Variants in IL5RA observed in about 807,000 individuals in gnomAD.
IL5RA encodes the protein interleukin-5 receptor subunit alpha.
IL5RA carries 49 observed loss-of-function variants against 50.0 expected under a neutral mutation model. The observed-to-expected ratio is 0.98, with a 90% CI of 0.78 to 1.24. The LOEUF is 1.24. Ranked by LOEUF, IL5RA falls within the 50% of genes most tolerant of loss-of-function variation. The probability of loss-of-function intolerance (pLI) is 0.00; values close to 1 mark genes in which losing one functional copy is unlikely to be tolerated. For missense variants in IL5RA, 600 were observed against 500.4 expected (o/e 1.20, Z -1.90); for synonymous variants, 202 against 174.0 (o/e 1.16, Z -1.26).
rs902365466 is a variant in IL5RA at position 3,097,963 on chromosome 3, T to A, written c.616A>T (p.Lys206Ter). The A allele has an allele frequency of 1.2e-6, 2 of 1,614,220 alleles. No homozygotes were observed. Among genetic ancestry groups the A allele is most frequent in the Non-Finnish European group, 1.7e-6 (2 of 1,180,036 alleles). The change falls in exon 7 of 12, where the codon AAA becomes TAA. Residue 206 changes from lysine to a stop codon, truncating the protein, a stop_gained. Transcript: ENST00000446632. LOFTEE classifies it high-confidence loss of function. ...AGCACCGCAAGCCAGTCACGCCCTTTGCTGAGGATAAAAGTCCTGGGAAAC... is the reference window on the plus strand; with the variant it reads ...AGCACCGCAAGCCAGTCACGCCCTTAGCTGAGGATAAAAGTCCTGGGAAAC... Reference protein sequence around the residue: ...CWFPRTFILSKGRDWLAVLVN... With the variant: ...CWFPRTFILS
chr3:3,068,614 A>AAAAAAAAAAAAG lies in IL5RA; in HGVS notation c.*1610_*1611insCTTTTTTTTTTT, dbSNP rs1559856794. ...AAAAAAAAAAAAAAAAAAAACAAAAACAGGTTTGAGATTATGAATCATTTG... is the reference window on the plus strand; with the variant it reads ...AAAAAAAAAAAAAAAAAAAACAAAAAAAAAAAAAAAAGCAGGTTTGAGATTATGAATCATTTG... On this transcript the variant is annotated 3_prime_UTR_variant, in exon 12 of 12. Transcript: ENST00000446632. The AAAAAAAAAAAAG allele has an allele frequency of 1.3e-4, 17 of 135,678 alleles. No individual in the cohort carries two copies. Among genetic ancestry groups the AAAAAAAAAAAAG allele is most frequent in the African/African-American group, 4.6e-4 (17 of 37,106 alleles). 8.4% of individuals were successfully genotyped at this position (135,678 alleles called of 1,614,324 possible). A position where few individuals can be genotyped will look rare whatever the true frequency, so the allele number is the denominator to read the frequency against.
intron 9 of IL5RA, among the ~76,000 whole-genome samples, chr3:3,085,087 G>GC (rs958474901): frequency 1.6e-4 from 25 of 152,180 alleles, no homozygotes; most frequent in African/African-American, 4.8e-4. Flanking sequence ...GAGGCAGTCC[G>GC]CCCCCCCTGG....
At chr3:3,095,591 A>C in intron 7 of IL5RA, 147 bp from the exon 8 acceptor site, 2 of 667,896 alleles carry the variant, frequency 3.0e-6, no homozygotes, top group East Asian at 2.7e-5. Flanking sequence ...ACTGATCTCC[A>C]AGCCACAGGA....
At chr3:3,096,315 G>T (rs1004207444) in intron 7 of IL5RA, among the ~76,000 whole-genome samples, 4 of 147,912 alleles carry the variant, frequency 2.7e-5, no homozygotes, top group African/African-American at 1.0e-4. Context: ...AAGAAGAGTG[G>T]ATTGGGCTAA....
chr3:3,107,621 C>CTA (rs1703989422), intron 2 of IL5RA, among the ~76,000 whole-genome samples: 1 of 143,772 alleles, frequency 7.0e-6, no homozygotes, highest in Non-Finnish European at 1.6e-5. Context: ...AATGAAGCAA[C>CTA]TATAGGTTGT....
At chr3:3,099,569 C>T (rs974920707) in intron 5 of IL5RA, among the ~76,000 whole-genome samples, 1 of 151,938 alleles carries the variant, frequency 6.6e-6, no homozygotes, top group African/African-American at 2.4e-5. Context: ...GTCGAGGCTG[C>T]AATGAACCAA....
intron 8 of IL5RA, among the ~76,000 whole-genome samples, chr3:3,093,892 A>AT (rs1433000947): frequency 1.3e-5 from 2 of 152,126 alleles, no homozygotes; most frequent in East Asian, 1.9e-4. Context: ...TTGGAATCCT[A>AT]TTTTTTTTCC....
intron 5 of IL5RA, among the ~76,000 whole-genome samples, chr3:3,099,094 T>A (rs951205882): frequency 2.6e-5 from 4 of 152,210 alleles, no homozygotes; most frequent in Non-Finnish European, 4.4e-5. Flanking sequence ...ATTACATAGG[T>A]TGCTGCTCAG....
chr3:3,098,026 A>G lies in IL5RA; in HGVS notation c.553T>C (p.Tyr185His). Residue 185 changes from tyrosine to histidine, a missense_variant, in exon 7 of 12, where the codon TAC becomes CAC. By Grantham distance (83) the Tyr-to-His change is moderately conservative. Coordinates refer to ENST00000446632, the MANE Select transcript of IL5RA (RefSeq NM_175726.4). Reference protein sequence around the residue: ...YGSWTEECQEYSKDTLGRNIA... With the variant: ...YGSWTEECQEHSKDTLGRNIA... Reference sequence around the variant, plus strand: ...TTTCTCCCCAGTGTGTCTTTGCTGTATTCTTGGCATTCTTCAGTCCAAGAG... The same window carrying G: ...TTTCTCCCCAGTGTGTCTTTGCTGTGTTCTTGGCATTCTTCAGTCCAAGAG... The G allele has an allele frequency of 1.2e-6, 2 of 1,614,182 alleles. No individual in the cohort carries two copies. The highest frequency in any genetic ancestry group is 1.1e-5 in the South Asian group (1 of 91,080).
chr3:3,093,861 C>G (rs1007757831), intron 8 of IL5RA, among the ~76,000 whole-genome samples: 12 of 152,222 alleles, frequency 7.9e-5, no homozygotes, highest in African/African-American at 2.9e-4. Context: ...TTGGCTTTGT[C>G]TACTCTCTGT....
At position 3,092,384 on chromosome 3, in the gene IL5RA, T is replaced by C; in HGVS notation, c.856-22A>G. 6.2e-7 allele frequency: 1 copy of C among 1,608,386 alleles called. No individual in the cohort carries two copies. The highest frequency in any genetic ancestry group is 8.5e-7 in the Non-Finnish European group (1 of 1,177,582). On this transcript the variant is annotated intron_variant, in intron 8 of 11. Coordinates refer to ENST00000446632, the MANE Select transcript of IL5RA (RefSeq NM_175726.4). This position sits in a 1 kb window ranked among gnomAD's most constrained non-coding sequence, Gnocchi z 4.2. ...CTATCTAAGTGGGGAAAGATAGCAT[T>C]AGAAGAATCTCTAGACACCTAATTT...
At chr3:3,104,021 C>T (rs187485738) in intron 3 of IL5RA, among the ~76,000 whole-genome samples, 1 of 152,172 alleles carries the variant, frequency 6.6e-6, no homozygotes, top group Middle Eastern at 3.2e-3. Context: ...CAACTTGTGG[C>T]TATTGAAATT....
intron 2 of IL5RA, among the ~76,000 whole-genome samples, chr3:3,106,763 A>G (rs1397283222): frequency 6.6e-6 from 1 of 152,190 alleles, no homozygotes; most frequent in East Asian, 1.9e-4. Flanking sequence ...AAATGTCAGC[A>G]TTTCCTGAAA....
Position 3,102,861 on chromosome 3 carries a change from T to C in IL5RA, c.83-41A>G, listed in dbSNP as rs375029178. On this transcript the variant is annotated intron_variant, in intron 3 of 11. Transcript: ENST00000446632. ...ATAAAGAAACAACACAATGTTCAAC[T>C]GGACATAGGCAGCACTTTTAAAACT... 34 of 1,563,656 alleles carry C rather than the reference T, an allele frequency of 2.2e-5. No homozygotes were observed. The African/African-American group carries it at 4.7e-4, about 21-fold the overall frequency.
rs774554290 is a variant in IL5RA at position 3,102,741 on chromosome 3, AG to A, written c.161del (p.Pro54LeufsTer10). ...GATTAACATTCCTTTGCTCTTGATC[AG>A]GATTTGGTTTCCATTGTAAAAGAAC... Reference protein sequence around the residue: ...AQVLLQWKPNPDQEQRNVNLE... With the variant: ...AQVLLQWKPNXDQEQRNVNLE... On this transcript the variant is annotated frameshift_variant, in exon 4 of 12. Coordinates refer to ENST00000446632, the MANE Select transcript of IL5RA (RefSeq NM_175726.4). LOFTEE classifies it high-confidence loss of function. 2.5e-6 allele frequency: 4 copies of A among 1,609,902 alleles called. No homozygotes were observed. In the East Asian group the frequency reaches 8.9e-5, roughly 36 times the overall value.
intron 7 of IL5RA, 98 bp from the exon 8 acceptor site, chr3:3,095,542 A>G (rs1233101752): frequency 2.0e-6 from 2 of 1,010,688 alleles, no homozygotes; most frequent in Non-Finnish European, 3.0e-6. Context: ...CATTTCTAAG[A>G]TACGCTTTTT....
intron 5 of IL5RA, among the ~76,000 whole-genome samples, chr3:3,099,500 G>C (rs144936977): frequency 6.6e-6 from 1 of 151,952 alleles, no homozygotes; most frequent in Non-Finnish European, 1.5e-5. Context: ...GTGGCGGCAT[G>C]TGCCTATAGT....
intron 11 of IL5RA, among the ~76,000 whole-genome samples, chr3:3,071,595 GTA>G (rs1491109375): frequency 9.9e-6 from 1 of 100,518 alleles, no homozygotes; most frequent in Non-Finnish European, 2.2e-5. Context: ...GTGTGTGTGT[GTA>G]TTTTTTTTTT....
intron 11 of IL5RA, chr3:3,073,896 C>A: frequency 2.5e-6 from 1 of 402,998 alleles, no homozygotes; most frequent in South Asian, 1.9e-5. Context: ...TCGTGGTTTA[C>A]GATAAAGCTA....
Sources: gnomAD v4.1 joint callset for allele counts (sites outside exome capture counted in the v4.1 genomes callset) on GRCh38, gnomAD v4.1.1 for gene constraint, Gnocchi (gnomAD v3.1) non-coding constraint, MANE v1.5 for transcripts, NCBI Gene and HGNC (gene_info 2026-07-23, HGNC 2026-07-21) for gene names.